Variants in MTR observed in about 807,000 individuals in gnomAD.
The protein encoded by MTR is methionine synthase.
In MTR, 84 loss-of-function variants were observed where a neutral mutation model predicts 154.8. The observed-to-expected ratio is 0.54, with a 90% confidence interval of 0.45 to 0.65. The LOEUF (loss-of-function observed/expected upper bound fraction) is 0.65. MTR is among the 30% of genes least tolerant of loss of function. The pLI, the probability that MTR is intolerant of heterozygous loss-of-function variation, is 0.00. For synonymous variants in MTR, 554 were observed against 553.9 expected (o/e 1.00, Z 0.00); for missense variants, 1,275 against 1,570.2 (o/e 0.81, Z 3.18).
intron 13 of MTR, among the ~76,000 whole-genome samples, chr1:236,833,544 A>G (rs539586335): frequency 9.8e-5 from 15 of 152,300 alleles, no homozygotes; most frequent in Non-Finnish European, 2.1e-4. Context: ...CAAGTCTCCC[A>G]AGCATGTGCC....
At chr1:236,886,388 G>A (rs768149428) in intron 27 of MTR, 21 bp downstream of exon 27, 11 of 1,609,852 alleles carry the variant, frequency 6.8e-6, no homozygotes, top group Non-Finnish European at 9.4e-6. Flanking sequence ...CTATGGACTA[G>A]AGAAAGACTG....
At chr1:236,812,961 C>T (rs1277030914) in intron 6 of MTR, 117 bp downstream of exon 6, 11 of 829,924 alleles carry the variant, frequency 1.3e-5, no homozygotes, top group Non-Finnish European at 2.0e-5. Context: ...CCTGTATTTG[C>T]TCCATTTTAT....
chr1:236,893,891 ACAGTTTGTTGTTTGAGCTGCTG>A (rs1666472902), intron 29 of MTR, among the ~76,000 whole-genome samples: 2 of 152,296 alleles, frequency 1.3e-5, no homozygotes, highest in South Asian at 4.1e-4. Flanking sequence ...GCTGACCCCA[ACAGTTTGTTGTTTGAGCTGCTG>A]CTGTTGATGG....
At chr1:236,811,658 G>A (rs1377849392) in intron 5 of MTR, 1 of 456,236 alleles carries the variant, frequency 2.2e-6, no homozygotes. Flanking sequence ...TGCCAGTGGG[G>A]AGCTAACTTA....
At chr1:236,799,314 T>G (rs1442601346) in intron 1 of MTR, among the ~76,000 whole-genome samples, 1 of 151,476 alleles carries the variant, frequency 6.6e-6, no homozygotes, top group Non-Finnish European at 1.5e-5. Context: ...TTTGTAGAGA[T>G]GAGGCCACTG....
chr1:236,862,345 C>T lies in MTR; in HGVS notation c.2304+2C>T, dbSNP rs548690713. On this transcript the variant is annotated splice_donor_variant, in intron 21 of 32. Coordinates refer to ENST00000366577, the MANE Select transcript of MTR (RefSeq NM_000254.3). LOFTEE classifies it low-confidence loss of function (GC_TO_GT_DONOR). ...CTTAACGGCACAGTAGAAGAAGAGG[C>T]AAGTCATTTTGTTCAGGCCTATGGG... is the stretch of plus-strand genomic sequence containing the variant. 6 of 1,611,368 alleles carry T rather than the reference C, an allele frequency of 3.7e-6. No individual in the cohort carries two copies. The East Asian group carries it at 1.1e-4, about 30-fold the overall frequency.
intron 22 of MTR, among the ~76,000 whole-genome samples, chr1:236,868,343 A>G (rs964586216): frequency 1.3e-5 from 2 of 152,172 alleles, no homozygotes; most frequent in East Asian, 1.9e-4. Context: ...ACATAATACT[A>G]TTGCACACAT....
intron 8 of MTR, among the ~76,000 whole-genome samples, chr1:236,821,434 A>G (rs1369860134): frequency 2.0e-5 from 3 of 152,248 alleles, no homozygotes; most frequent in Non-Finnish European, 2.9e-5. Flanking sequence ...GAATTTTGGC[A>G]TGGACAAACC....
chr1:236,817,568 A>C (rs1661670220), intron 8 of MTR, among the ~76,000 whole-genome samples: 1 of 152,210 alleles, frequency 6.6e-6, no homozygotes, highest in South Asian at 2.1e-4. Context: ...AGGTACTGGT[A>C]TTAATGTCCC....
chr1:236,824,366 T>A lies in MTR; in HGVS notation c.865+147T>A, dbSNP rs181757034. The A allele has an allele frequency of 6.5e-6, 5 of 769,538 alleles. No homozygotes were observed. The East Asian group carries it at 1.1e-4, about 16-fold the overall frequency. 47.7% of individuals were successfully genotyped at this position (769,538 alleles called of 1,614,324 possible). ...ATAAATGAAGAGTGTCTGGGTGCAG[T>A]GTTTCCCTGTAGACCTGAGGGAAGT... On this transcript the variant is annotated intron_variant, in intron 9 of 32. Coordinates refer to ENST00000366577, the MANE Select transcript of MTR (RefSeq NM_000254.3).
intron 15 of MTR, among the ~76,000 whole-genome samples, chr1:236,846,286 T>C (rs1207945430): frequency 6.6e-6 from 1 of 152,214 alleles, no homozygotes; most frequent in Non-Finnish European, 1.5e-5. Context: ...AATGAAATGA[T>C]TTTTAATTTT....
At chr1:236,891,378 T>A in intron 29 of MTR, 49 bp downstream of exon 29, 1 of 1,548,856 alleles carries the variant, frequency 6.5e-7, no homozygotes, top group Non-Finnish European at 8.9e-7. Flanking sequence ...CTTGTGAGTT[T>A]AAGCACTACA....
chr1:236,829,328 C>A, intron 12 of MTR, 60 bp downstream of exon 12: 1 of 1,376,186 alleles, frequency 7.3e-7, no homozygotes, highest in Non-Finnish European at 1.0e-6. Flanking sequence ...TGTGAGTATT[C>A]TAAGTGGTAG....
chr1:236,796,935 T>C (rs1558266063), intron 1 of MTR, among the ~76,000 whole-genome samples: 1 of 152,138 alleles, frequency 6.6e-6, no homozygotes, highest in East Asian at 1.9e-4. Flanking sequence ...AGTAAAGTTA[T>C]TTCCCTTTCA....
chr1:236,875,860 A>G (rs577726990), intron 24 of MTR, among the ~76,000 whole-genome samples: 2 of 152,334 alleles, frequency 1.3e-5, no homozygotes, highest in Admixed American at 1.3e-4. Context: ...TTTATTTTAA[A>G]TAATTAACTC....
rs947426724 is a variant in MTR, at chr1:236,795,296, C to G, written c.-408C>G. ...CGCCGAGGATAGATTGAGCGCAGAA[C>G]TAACCGCGCTCTGAAAGGTTCTAAA... On this transcript the variant is annotated 5_prime_UTR_variant, in exon 1 of 33. Transcript: ENST00000366577. The G allele has an allele frequency of 1.6e-6, 2 of 1,216,388 alleles. No homozygotes were observed. Among genetic ancestry groups the G allele is most frequent in the Non-Finnish European group, 2.1e-6 (2 of 953,184 alleles). 75.3% of individuals were successfully genotyped at this position (1,216,388 alleles called of 1,614,324 possible). A position where few individuals can be genotyped will look rare whatever the true frequency, so the allele number is the denominator to read the frequency against.
intron 12 of MTR, 63 bp from the exon 13 acceptor site, chr1:236,831,897 TTGTGTC>T: frequency 9.1e-7 from 1 of 1,097,734 alleles, no homozygotes; most frequent in South Asian, 1.3e-5. Flanking sequence ...TTGAATACAT[TTGTGTC>T]TGTCTGTCTC....
At position 236,885,226 on chromosome 1, in the gene MTR, G is replaced by GT. The variant is rs752614749; in HGVS notation, c.2775+7_2775+8insT. The GT allele has an allele frequency of 1.3e-6, 2 of 1,520,282 alleles. No homozygotes were observed. The highest frequency in any genetic ancestry group is 2.7e-5 in the African/African-American group (2 of 72,768). The allele number at this position is 1,520,282 out of a possible 1,614,324, so 94.2% of individuals were successfully genotyped here. On this transcript the variant is annotated splice_region_variant and intron_variant, in intron 26 of 32. Coordinates refer to ENST00000366577, the MANE Select transcript of MTR (RefSeq NM_000254.3). ...CCATTATGAGTCTCTCAAGGTAAGT[G>GT]GTAGAAACAGATTTTTGCTTGTTTT...
chr1:236,864,940 A>G (rs1664745433), intron 22 of MTR, among the ~76,000 whole-genome samples: 1 of 152,266 alleles, frequency 6.6e-6, no homozygotes, highest in Non-Finnish European at 1.5e-5. Context: ...CCATTGAAGA[A>G]AGTGACTTGT....
Sources: gnomAD v4.1 joint callset for allele counts (sites outside exome capture counted in the v4.1 genomes callset) on GRCh38, gnomAD v4.1.1 for gene constraint, MANE v1.5 for transcripts, NCBI Gene and HGNC (gene_info 2026-07-23, HGNC 2026-07-21) for gene names.